The following NCKAP5 variants were observed in gnomAD, a reference collection of about 807,000 sequenced individuals.
NCKAP5 encodes NCK associated protein 5, also known as nck-associated protein 5.
NCKAP5 carries 92 observed loss-of-function variants against 167.0 expected under a neutral mutation model. That is an observed-to-expected ratio of 0.55 (90% confidence interval 0.47 to 0.66). The LOEUF (loss-of-function observed/expected upper bound fraction) is 0.66, where lower values mean the gene tolerates loss of function less well. NCKAP5 is among the 30% of genes least tolerant of loss of function. The probability of loss-of-function intolerance (pLI) is 0.00; values close to 1 mark genes in which losing one functional copy is unlikely to be tolerated. For missense variants in NCKAP5, 2,378 were observed against 2,315.0 expected (o/e 1.03, Z -0.56); for synonymous variants, 891 against 877.4 (o/e 1.02, Z -0.27).
the NCKAP5 span, among the ~76,000 whole-genome samples, chr2:133,672,267 T>C: frequency 6.6e-6 from 1 of 152,168 alleles, no homozygotes. Context: ...GGAGAGCATC[T>C]TTGGAAATTT....
At chr2:133,673,928 T>C in the NCKAP5 span, among the ~76,000 whole-genome samples, 1 of 152,214 alleles carries the variant, frequency 6.6e-6, no homozygotes, top group South Asian at 2.1e-4. Context: ...ATGTCTTTCA[T>C]TGATCAATTG....
chr2:133,509,525 G>A (rs546974914), intron 3 of NCKAP5, among the ~76,000 whole-genome samples: 1 of 150,998 alleles, frequency 6.6e-6, no homozygotes, highest in Non-Finnish European at 1.5e-5. Context: ...ATAAGCAGCT[G>A]CTCACTGCTA....
chr2:132,836,330 T>G (rs1687881655), intron 11 of NCKAP5, among the ~76,000 whole-genome samples: 1 of 152,182 alleles, frequency 6.6e-6, no homozygotes, highest in Admixed American at 6.5e-5. Flanking sequence ...TACAGCATTA[T>G]CATGACCACT....
intron 7 of NCKAP5, among the ~76,000 whole-genome samples, chr2:132,978,197 A>T (rs2077031717): frequency 6.6e-6 from 1 of 152,246 alleles, no homozygotes; most frequent in African/African-American, 2.4e-5. Context: ...TTCATGCAAA[A>T]TCTCTGTGTT....
At chr2:133,523,863 C>T (rs1160372302) in intron 2 of NCKAP5, among the ~76,000 whole-genome samples, 1 of 152,158 alleles carries the variant, frequency 6.6e-6, no homozygotes, top group East Asian at 1.9e-4. Context: ...CTGTCGTTGA[C>T]AAGGCAGCTC....
chr2:133,181,913 T>C (rs1479750836), intron 5 of NCKAP5, among the ~76,000 whole-genome samples: 2 of 151,812 alleles, frequency 1.3e-5, no homozygotes, highest in African/African-American at 4.8e-5. Flanking sequence ...GGGTTAAAAG[T>C]AAAAGGACGA....
At chr2:133,065,660 C>T (rs1340208497) in intron 6 of NCKAP5, among the ~76,000 whole-genome samples, 2 of 152,050 alleles carry the variant, frequency 1.3e-5, no homozygotes, top group East Asian at 1.9e-4. Context: ...TTAGTTTACA[C>T]CCTCAGGGAT....
intron 7 of NCKAP5, among the ~76,000 whole-genome samples, chr2:132,990,418 C>T (rs1201132676): frequency 1.3e-5 from 2 of 152,168 alleles, no homozygotes; most frequent in East Asian, 3.9e-4. Flanking sequence ...TGGGTACTTC[C>T]AGCCTGTTAA....
chr2:132,864,595 C>T (rs180745534), intron 10 of NCKAP5, among the ~76,000 whole-genome samples: 1 of 152,306 alleles, frequency 6.6e-6, no homozygotes, highest in African/African-American at 2.4e-5. Flanking sequence ...TGATTCTAGA[C>T]TCACTGCTAT....
At chr2:133,243,276 T>C (rs2087812670) in intron 4 of NCKAP5, among the ~76,000 whole-genome samples, 1 of 152,122 alleles carries the variant, frequency 6.6e-6, no homozygotes, top group African/African-American at 2.4e-5. Flanking sequence ...AACAAATAAG[T>C]GGTTCTAATC....
intron 8 of NCKAP5, among the ~76,000 whole-genome samples, chr2:132,919,314 C>T (rs1040797593): frequency 6.6e-6 from 1 of 152,054 alleles, no homozygotes; most frequent in African/African-American, 2.4e-5. Context: ...CAGAGAATAC[C>T]AAGATTATAG....
chr2:133,265,694 C>CAA (rs1490886899), intron 4 of NCKAP5, among the ~76,000 whole-genome samples: 1 of 151,674 alleles, frequency 6.6e-6, no homozygotes, highest in African/African-American at 2.4e-5. Context: ...CCCCTACACG[C>CAA]GCAAGGGAGG....
At chr2:133,049,038 G>C (rs549252047) in intron 6 of NCKAP5, among the ~76,000 whole-genome samples, 1 of 152,282 alleles carries the variant, frequency 6.6e-6, no homozygotes, top group Admixed American at 6.5e-5. Flanking sequence ...ATTTATAAGA[G>C]TTAAAAAAGT....
chr2:132,918,817 T>C (rs1049518749), intron 8 of NCKAP5, among the ~76,000 whole-genome samples: 1 of 152,212 alleles, frequency 6.6e-6, no homozygotes, highest in Non-Finnish European at 1.5e-5. Flanking sequence ...TGAAAAGAAA[T>C]TGCTTCCTGA....
intron 8 of NCKAP5, among the ~76,000 whole-genome samples, chr2:132,919,062 A>C (rs1202757634): frequency 1.3e-5 from 2 of 152,228 alleles, no homozygotes; most frequent in African/African-American, 2.4e-5. Context: ...AGCCATAGTC[A>C]AAGGGAGAAA....
At chr2:132,808,544 G>A (rs1457925334) in intron 11 of NCKAP5, among the ~76,000 whole-genome samples, 1 of 152,012 alleles carries the variant, frequency 6.6e-6, no homozygotes, top group African/African-American at 2.4e-5. Context: ...TAGTTTATGT[G>A]CGTAAATGTG....
chr2:132,968,586 A>G (rs1320393560), intron 7 of NCKAP5, among the ~76,000 whole-genome samples: 2 of 152,300 alleles, frequency 1.3e-5, no homozygotes, highest in Non-Finnish European at 2.9e-5. Context: ...GTTTTCAGAA[A>G]GAAAACGTTG....
chr2:133,546,968 G>C (rs951780164), intron 2 of NCKAP5, among the ~76,000 whole-genome samples: 3 of 152,106 alleles, frequency 2.0e-5, no homozygotes, highest in African/African-American at 7.2e-5. Flanking sequence ...CTGAGGTACC[G>C]GGTTTATCTC....
At chr2:133,475,074 G>A (rs2151296141) in intron 3 of NCKAP5, among the ~76,000 whole-genome samples, 1 of 152,322 alleles carries the variant, frequency 6.6e-6, no homozygotes, top group East Asian at 1.9e-4. Context: ...CTCCCAAAGT[G>A]CTGGGATTAC....
Sources: allele counts gnomAD v4.1 joint callset (sites outside exome capture counted in the v4.1 genomes callset), GRCh38; gene constraint gnomAD v4.1.1; transcripts MANE v1.5; gene names NCBI Gene and HGNC (gene_info 2026-07-23, HGNC 2026-07-21).